Variants in ZNF577 observed in about 807,000 individuals in gnomAD.
ZNF577 encodes the protein zinc finger protein 577.
Under a neutral mutation model 13.9 loss-of-function variants are expected in ZNF577, and 14 were observed. The ratio of observed to expected loss-of-function variants is 1.00; its 90% CI spans 0.66 to 1.57. The LOEUF is 1.57. ZNF577 is among the 40% of genes most tolerant of loss of function. ZNF577 has a pLI of 0.00. For missense variants in ZNF577, 555 were observed against 579.2 expected (o/e 0.96, Z 0.43); for synonymous variants, 203 against 202.9 (o/e 1.00, Z 0.00).
intron 9 of ZNF577, among the ~76,000 whole-genome samples, chr19:51,830,797 T>C (rs375285428): frequency 2.0e-5 from 3 of 152,154 alleles, no homozygotes; most frequent in South Asian, 2.1e-4. Flanking sequence ...TAGACCCCCC[T>C]CATCTATTTG....
intron 3 of ZNF577, 110 bp from the exon 4 acceptor site, chr19:51,878,625 T>A: frequency 7.3e-7 from 1 of 1,373,330 alleles, no homozygotes; most frequent in Non-Finnish European, 1.0e-6. Context: ...ATGCACACCA[T>A]GGCTATTTCA....
At chr19:51,849,531 G>A (rs1176958361) in intron 5 of ZNF577, among the ~76,000 whole-genome samples, 2 of 152,176 alleles carry the variant, frequency 1.3e-5, no homozygotes, top group Non-Finnish European at 2.9e-5. Flanking sequence ...TTCACCAGAT[G>A]TCAGCACCTT....
chr19:51,834,059 A>AT (rs61013654), intron 9 of ZNF577, among the ~76,000 whole-genome samples: 17 of 150,310 alleles, frequency 1.1e-4, no homozygotes, highest in East Asian at 2.0e-4. Context: ...CACACAATAG[A>AT]TTTTTTTTTT....
chr19:51,857,253 C>T lies in ZNF577; in HGVS notation c.284-12322G>A, dbSNP rs553514661. Among the ~76,000 whole-genome samples, 9 of 151,168 alleles carry T rather than the reference C, an allele frequency of 6.0e-5. No individual in the cohort carries two copies. The South Asian group carries it at 8.4e-4, about 14-fold the overall frequency. ...GGCGGAGGCTGCAGTGAACCGATAT[C>T]GTGCCACCGCATTTCAGCCTGGCGA... On this transcript the variant is annotated intron_variant and NMD_transcript_variant, in intron 5 of 10. Transcript: ENST00000638827.
At chr19:51,854,904 A>T (rs2084402687) in intron 5 of ZNF577, among the ~76,000 whole-genome samples, 1 of 151,956 alleles carries the variant, frequency 6.6e-6, no homozygotes, top group Non-Finnish European at 1.5e-5. Context: ...ATATTTGCTT[A>T]TTCTGTCTTC....
chr19:51,864,539 C>T (rs1381337746), downstream of ZNF577, among the ~76,000 whole-genome samples: 1 of 151,896 alleles, frequency 6.6e-6, no homozygotes, highest in Non-Finnish European at 1.5e-5. Context: ...TAATGGACAT[C>T]GAAGCTTGAG....
chr19:51,876,403 C>G (rs2084763546), intron 5 of ZNF577, among the ~76,000 whole-genome samples: 1 of 151,626 alleles, frequency 6.6e-6, no homozygotes, highest in South Asian at 2.1e-4. Context: ...GGCCAGAGAG[C>G]TCAGGCCCTG....
chr19:51,836,502 T>C (rs1016887755), intron 9 of ZNF577, among the ~76,000 whole-genome samples: 1 of 152,220 alleles, frequency 6.6e-6, no homozygotes, highest in Non-Finnish European at 1.5e-5. Flanking sequence ...GCCATTTCTA[T>C]GTCTTCTTCT....
At chr19:51,861,596 C>T (rs1397800847) in intron 5 of ZNF577, 1 of 152,256 alleles carries the variant, frequency 6.6e-6, no homozygotes, top group African/African-American at 2.4e-5. Flanking sequence ...GCTGATGTGA[C>T]TAATCAAAAA....
At chr19:51,854,333 A>ATTT (rs142092392) in intron 5 of ZNF577, among the ~76,000 whole-genome samples, 4 of 145,496 alleles carry the variant, frequency 2.7e-5, no homozygotes, top group African/African-American at 1.0e-4. Flanking sequence ...TGCTATTTGG[A>ATTT]TTTTTTTTTT....
In ZNF577 at chr19:51,815,880, A is replaced by G. The variant is rs2084132497; in HGVS notation, c.*600-4206T>C. 2.1e-5 allele frequency among the ~76,000 whole-genome samples: 3 copies of G among 144,242 alleles called. No homozygotes were observed. In the South Asian group the frequency reaches 6.2e-4, roughly 30 times the overall value. The allele number at this position is 144,242 out of a possible 152,430, so 94.6% of individuals were successfully genotyped here. A position where few individuals can be genotyped will look rare whatever the true frequency, so the allele number is the denominator to read the frequency against. On this transcript the variant is annotated intron_variant and NMD_transcript_variant, in intron 9 of 10. Coordinates refer to the ZNF577 transcript ENST00000638827. ...CTGTCTCAAAAAAAAAAGAAAAAAG[A>G]AAAAAGAAAAAGAAGAAGAAAAAGA...
rs192458114 is a variant in ZNF577, at chr19:51,870,250, G to C, written c.*2282C>G. ...TCTACTGAGTTTTCTTCATGTTATG[G>C]GGTTATATTTTCCTGCTTCTTTGCA... On this transcript the variant is annotated 3_prime_UTR_variant, in exon 6 of 6. Coordinates refer to ENST00000638348, the MANE Select transcript of ZNF577 (RefSeq NM_001370449.1). Among the ~76,000 whole-genome samples, 22 of 152,232 alleles carry C rather than the reference G, an allele frequency of 1.4e-4. No individual in the cohort carries two copies. The highest frequency in any genetic ancestry group is 5.8e-4 in the East Asian group (3 of 5,184).
downstream of ZNF577, among the ~76,000 whole-genome samples, chr19:51,865,599 G>A (rs936311420): frequency 3.9e-5 from 6 of 152,184 alleles, no homozygotes; most frequent in African/African-American, 1.4e-4. Flanking sequence ...AATATAAAGA[G>A]AGAAAAAGGC....
In ZNF577 at chr19:51,854,516, T is replaced by TA. The variant is rs1555745441; in HGVS notation, c.284-9586dup. On this transcript the variant is annotated intron_variant and NMD_transcript_variant, in intron 5 of 10. Transcript: ENST00000638827. ...GCTAAATTTTTTTTTTTTTTTTTTT[T>TA]AGAGATGGGGTCTCGCTATGTTGCC... 4.7e-5 allele frequency among the ~76,000 whole-genome samples: 7 copies of TA among 149,568 alleles called. No homozygotes were observed. The South Asian group carries it at 1.1e-3, about 23-fold the overall frequency.
At chr19:51,832,722 T>C (rs1017913227) in intron 9 of ZNF577, among the ~76,000 whole-genome samples, 1 of 152,220 alleles carries the variant, frequency 6.6e-6, no homozygotes, top group Non-Finnish European at 1.5e-5. Context: ...GCAAAGAATG[T>C]GAGGCTTAGG....
intron 9 of ZNF577, among the ~76,000 whole-genome samples, chr19:51,818,374 C>T (rs1022561463): frequency 6.6e-5 from 10 of 152,150 alleles, no homozygotes; most frequent in African/African-American, 1.9e-4. Flanking sequence ...GACACAAACA[C>T]GGCCCGTGTT....
At chr19:51,852,419 T>G (rs2084383482) in intron 5 of ZNF577, among the ~76,000 whole-genome samples, 1 of 152,216 alleles carries the variant, frequency 6.6e-6, no homozygotes, top group Non-Finnish European at 1.5e-5. Context: ...TGATCCCACC[T>G]ATCTGTCATG....
chr19:51,847,460 A>C (rs1444012064), intron 5 of ZNF577, among the ~76,000 whole-genome samples: 2 of 151,876 alleles, frequency 1.3e-5, no homozygotes, highest in Non-Finnish European at 2.9e-5. Context: ...CCAAATACTC[A>C]AACTTGGACC....
chr19:51,877,212 T>G, intron 5 of ZNF577, 70 bp downstream of exon 5: 1 of 1,365,682 alleles, frequency 7.3e-7, no homozygotes, highest in Non-Finnish European at 1.0e-6. Flanking sequence ...TTTAAAAGCA[T>G]CAACCCTTCT....
Sources: gnomAD v4.1 joint callset for allele counts (sites outside exome capture counted in the v4.1 genomes callset) on GRCh38, gnomAD v4.1.1 for gene constraint, MANE v1.5 for transcripts, NCBI Gene and HGNC (gene_info 2026-07-23, HGNC 2026-07-21) for gene names.